Variants in ROBO1 observed in about 807,000 individuals in gnomAD.
The protein encoded by ROBO1 is roundabout guidance receptor 1.
A neutral mutation model predicts 195.9 loss-of-function variants in ROBO1; 149 were observed. The observed-to-expected ratio is 0.76, with a 90% CI of 0.67 to 0.87. The LOEUF (loss-of-function observed/expected upper bound fraction) is 0.87. ROBO1 is among the 40% of genes least tolerant of loss of function. ROBO1 has a pLI of 0.00. For missense variants in ROBO1, 1,933 were observed against 2,068.3 expected, an observed-to-expected ratio of 0.93 and a Z score of 1.27; for synonymous variants, 816 against 733.2, an observed-to-expected ratio of 1.11 and a Z score of -1.82.
At chr3:79,273,960 A>C (rs547282382) in intron 2 of ROBO1, among the ~76,000 whole-genome samples, 2 of 152,136 alleles carry the variant, frequency 1.3e-5, no homozygotes, top group South Asian at 4.1e-4. Flanking sequence ...CAGCAAGAGG[A>C]TACAACAATT....
intron 3 of ROBO1, among the ~76,000 whole-genome samples, chr3:78,963,500 T>TG (rs1344624116): frequency 3.4e-5 from 4 of 118,622 alleles, no homozygotes; most frequent in South Asian, 2.5e-4. Flanking sequence ...TTCAGTTTTT[T>TG]TTTTTTTTTT....
intron 1 of ROBO1, among the ~76,000 whole-genome samples, chr3:79,677,199 T>A (rs1317814519): frequency 6.6e-6 from 1 of 151,984 alleles, no homozygotes; most frequent in Non-Finnish European, 1.5e-5. Flanking sequence ...TTAAACTACA[T>A]ACCTAAAACT....
intron 1 of ROBO1, among the ~76,000 whole-genome samples, chr3:79,750,386 T>A (rs1294019875): frequency 6.6e-6 from 1 of 152,186 alleles, no homozygotes; most frequent in Non-Finnish European, 1.5e-5. Context: ...AATGCTAAAA[T>A]GAGTTAAAGC....
At chr3:78,698,558 C>A (rs1490994322) in intron 8 of ROBO1, among the ~76,000 whole-genome samples, 1 of 152,086 alleles carries the variant, frequency 6.6e-6, no homozygotes, top group African/African-American at 2.4e-5. Context: ...TTTGCTGTCA[C>A]AACTGATGTG....
intron 2 of ROBO1, among the ~76,000 whole-genome samples, chr3:79,519,628 C>CAAAAAAAAAAAAAAAAAAA (rs71631657): frequency 7.7e-5 from 5 of 64,712 alleles, no homozygotes; most frequent in East Asian, 4.9e-4. Flanking sequence ...GACTCCTGCT[C>CAAAAAAAAAAAAAAAAAAA]AAAAAAAAAA....
At chr3:79,271,039 T>G (rs536310718) in intron 2 of ROBO1, among the ~76,000 whole-genome samples, 1 of 152,048 alleles carries the variant, frequency 6.6e-6, no homozygotes, top group Non-Finnish European at 1.5e-5. Flanking sequence ...GAGCTGTAGA[T>G]TCAGAAGAAA....
intron 4 of ROBO1, among the ~76,000 whole-genome samples, chr3:78,785,743 T>C (rs1247126898): frequency 2.0e-5 from 3 of 152,222 alleles, no homozygotes; most frequent in Non-Finnish European, 4.4e-5. Flanking sequence ...ACGTTTTCAT[T>C]GTAGTAGAGT....
At chr3:78,787,234 G>A (rs1440285795) in intron 4 of ROBO1, among the ~76,000 whole-genome samples, 1 of 152,122 alleles carries the variant, frequency 6.6e-6, no homozygotes, top group Non-Finnish European at 1.5e-5. Context: ...GTTTAATTCA[G>A]TAATCTATAA....
chr3:79,625,599 A>C (rs984334960), intron 1 of ROBO1, among the ~76,000 whole-genome samples: 1 of 151,986 alleles, frequency 6.6e-6, no homozygotes, highest in Non-Finnish European at 1.5e-5. Flanking sequence ...AATGAAGTAG[A>C]GACTCTAGAA....
chr3:78,924,146 A>G (rs2039088353), intron 4 of ROBO1, among the ~76,000 whole-genome samples: 1 of 152,146 alleles, frequency 6.6e-6, no homozygotes, highest in African/African-American at 2.4e-5. Flanking sequence ...GCTTTTGAAT[A>G]ATAAAAAAGT....
rs2030722769 is a variant in ROBO1 at position 79,273,159 on chromosome 3, C to A, written c.89-147620G>T. On this transcript the variant is annotated intron_variant, in intron 2 of 30. Coordinates refer to ENST00000464233, the MANE Select transcript of ROBO1 (RefSeq NM_002941.4). ...AGGACATTAATGAGCACTAAGAAAT[C>A]ATCTGAAAGTACAAAACTTAGTGGT... 3.9e-5 allele frequency among the ~76,000 whole-genome samples: 6 copies of A among 151,992 alleles called. No individual in the cohort carries two copies. The South Asian group carries it at 1.2e-3, about 31-fold the overall frequency.
intron 2 of ROBO1, among the ~76,000 whole-genome samples, chr3:79,486,898 G>C (rs1939187817): frequency 6.6e-6 from 1 of 152,128 alleles, no homozygotes; most frequent in African/African-American, 2.4e-5. Context: ...GACAAAGGTT[G>C]ATCAGCAAAG....
intron 2 of ROBO1, among the ~76,000 whole-genome samples, chr3:79,305,619 T>G (rs941300030): frequency 6.6e-6 from 1 of 152,202 alleles, no homozygotes; most frequent in African/African-American, 2.4e-5. Context: ...GCTTTAAAAT[T>G]CAAGGCTTCC....
rs570653945 is a variant in ROBO1 at position 79,434,017 on chromosome 3, A to G, written c.88+155807T>C. On this transcript the variant is annotated intron_variant, in intron 2 of 30. Transcript: ENST00000464233. ...CTGGGAAAACTGGCTAGCCATATGT[A>G]GAAAGCTGAAACTGGATCCCTTCCT... Among the ~76,000 whole-genome samples, 12 of 152,336 alleles carry G rather than the reference A, an allele frequency of 7.9e-5. No homozygotes were observed. The East Asian group carries it at 1.9e-3, about 24-fold the overall frequency.
At chr3:78,601,346 A>G (rs888934638) in intron 29 of ROBO1, among the ~76,000 whole-genome samples, 1 of 152,122 alleles carries the variant, frequency 6.6e-6, no homozygotes, top group Non-Finnish European at 1.5e-5. Flanking sequence ...CTGAGGCCCA[A>G]GCCATCGTTT....
chr3:78,733,438 C>T (rs1039223217), intron 5 of ROBO1, among the ~76,000 whole-genome samples: 1 of 150,690 alleles, frequency 6.6e-6, no homozygotes, highest in African/African-American at 2.4e-5. Context: ...GCTTGATGTC[C>T]ACAGAAAGAA....
chr3:78,969,849 G>A (rs945250196), intron 3 of ROBO1, among the ~76,000 whole-genome samples: 1 of 152,026 alleles, frequency 6.6e-6, no homozygotes, highest in African/African-American at 2.4e-5. Context: ...GAAGAACCTG[G>A]TTTTTGCAGA....
intron 14 of ROBO1, among the ~76,000 whole-genome samples, chr3:78,664,719 T>C (rs1310441894): frequency 1.3e-5 from 2 of 152,176 alleles, no homozygotes; most frequent in African/African-American, 4.8e-5. Flanking sequence ...ATTGCAGAAA[T>C]GGTTAGAGAA....
At chr3:78,677,966 C>A (rs1172969764) in intron 10 of ROBO1, among the ~76,000 whole-genome samples, 11 of 151,696 alleles carry the variant, frequency 7.3e-5, no homozygotes, top group African/African-American at 2.7e-4. Context: ...GAAATTATAA[C>A]AAACTGTCTC....
Sources: gnomAD v4.1 joint callset for allele counts (sites outside exome capture counted in the v4.1 genomes callset) on GRCh38, gnomAD v4.1.1 for gene constraint, MANE v1.5 for transcripts, NCBI Gene and HGNC (gene_info 2026-07-23, HGNC 2026-07-21) for gene names.